The following ZPBP variants were observed in gnomAD, a reference collection of about 807,000 sequenced individuals.
ZPBP encodes zona pellucida binding protein.
Under a neutral mutation model 44.8 loss-of-function variants are expected in ZPBP, and 26 were observed. The ratio of observed to expected loss-of-function variants is 0.58; its 90% CI spans 0.43 to 0.81. The LOEUF is 0.81. Ranked by LOEUF, ZPBP falls within the 30% of genes least tolerant of loss-of-function variation. The pLI is 0.00. For missense variants in ZPBP, 409 were observed against 434.0 expected (o/e 0.94, Z 0.51); for synonymous variants, 174 against 153.2 (o/e 1.14, Z -1.00).
rs183489982 is a variant in ZPBP, at chr7:50,041,254, G to T, written c.488-9944C>A. Among the ~76,000 whole-genome samples, 652 of 152,324 alleles carry T rather than the reference G, an allele frequency of 4.3e-3. 6 individuals carry two copies. Among genetic ancestry groups the T allele is most frequent in the Non-Finnish European group, 7.7e-3 (523 of 68,024 alleles). On this transcript the variant is annotated intron_variant, in intron 4 of 7. Transcript: ENST00000046087. The stretch of plus-strand genomic sequence containing the variant: ...AGCTTCAGCAGGCTTAACCGCTCCT[G>T]CCTGCCAGCTCTAAAGACAGCAGTG...
chr7:49,938,314 T>A (rs1302331267), intron 7 of ZPBP, among the ~76,000 whole-genome samples: 2 of 152,192 alleles, frequency 1.3e-5, no homozygotes, highest in Admixed American at 6.5e-5. Context: ...AAAATATTAA[T>A]CTAATTTAAT....
chr7:49,950,946 C>T lies in ZPBP; in HGVS notation c.962-13324G>A, dbSNP rs28694212. On this transcript the variant is annotated intron_variant, in intron 7 of 7. Transcript: ENST00000046087. Reference sequence around the variant, plus strand: ...GAATAGTGCACATAAATAACTCATACATCTAAGACAACTGATTTTTCAACA... The same window carrying T: ...GAATAGTGCACATAAATAACTCATATATCTAAGACAACTGATTTTTCAACA... 4.5e-3 allele frequency among the ~76,000 whole-genome samples: 687 copies of T among 151,872 alleles called. 4 individuals carry two copies. The highest frequency in any genetic ancestry group is 0.016 in the African/African-American group (650 of 41,546).
At chr7:50,046,620 G>A (rs1239287986) in intron 4 of ZPBP, among the ~76,000 whole-genome samples, 4 of 152,142 alleles carry the variant, frequency 2.6e-5, no homozygotes, top group African/African-American at 9.7e-5. Flanking sequence ...AGTTAGAATG[G>A]CAATCCTTAA....
chr7:50,077,979 A>C (rs1802182185), intron 3 of ZPBP, among the ~76,000 whole-genome samples: 1 of 151,774 alleles, frequency 6.6e-6, no homozygotes, highest in African/African-American at 2.4e-5. Flanking sequence ...GCTAAGATTT[A>C]GAAGCAAACT....
intron 2 of ZPBP, among the ~76,000 whole-genome samples, chr7:49,852,665 G>A (rs1790228046): frequency 6.6e-6 from 1 of 151,694 alleles, no homozygotes. Context: ...TTCAGAAAGA[G>A]CCCTACCACC....
At chr7:49,990,642 T>A (rs1797530150) in intron 6 of ZPBP, among the ~76,000 whole-genome samples, 1 of 151,824 alleles carries the variant, frequency 6.6e-6, no homozygotes, top group South Asian at 2.1e-4. Flanking sequence ...TGTTTTACAA[T>A]AATTGGTTGA....
At chr7:49,930,937 G>C (rs553820970) in intron 1 of ZPBP, among the ~76,000 whole-genome samples, 1 of 152,316 alleles carries the variant, frequency 6.6e-6, no homozygotes, top group South Asian at 2.1e-4. Flanking sequence ...GGGCCCAAGT[G>C]GGAGGTAATT....
At chr7:49,976,028 A>C (rs1796499246) in intron 7 of ZPBP, among the ~76,000 whole-genome samples, 2 of 152,200 alleles carry the variant, frequency 1.3e-5, no homozygotes, top group African/African-American at 4.8e-5. Flanking sequence ...TAAAGAATAC[A>C]TCATGCATCT....
chr7:50,041,823 GT>G (rs1434878404), intron 4 of ZPBP, among the ~76,000 whole-genome samples: 1 of 152,174 alleles, frequency 6.6e-6, no homozygotes, highest in Non-Finnish European at 1.5e-5. Flanking sequence ...CAGAGAATGA[GT>G]TTGATAAACT....
At chr7:49,882,992 G>T (rs1464509120) in intron 2 of ZPBP, among the ~76,000 whole-genome samples, 1 of 151,876 alleles carries the variant, frequency 6.6e-6, no homozygotes, top group South Asian at 2.1e-4. Context: ...TTTCATCTCT[G>T]CCCTGGCCCC....
At chr7:50,055,052 T>C (rs1800866537) in intron 4 of ZPBP, among the ~76,000 whole-genome samples, 1 of 152,192 alleles carries the variant, frequency 6.6e-6, no homozygotes, top group Non-Finnish European at 1.5e-5. Context: ...TACAAAAGAA[T>C]CAATCAAAAT....
chr7:49,949,755 TAAATTATACATTTAAATAC>T (rs1289063054), intron 7 of ZPBP, among the ~76,000 whole-genome samples: 1 of 152,014 alleles, frequency 6.6e-6, no homozygotes, highest in Admixed American at 6.6e-5. Context: ...ACTGTGTATT[TAAATTATACATTTAAATAC>T]ACTTAAAATG....
chr7:50,068,413 A>G (rs1382798054), intron 3 of ZPBP, among the ~76,000 whole-genome samples: 1 of 150,204 alleles, frequency 6.7e-6, no homozygotes, highest in Admixed American at 6.6e-5. Flanking sequence ...TTCTGGGTGC[A>G]GTAGCCCTTG....
chr7:50,064,250 G>A (rs1362124125), intron 3 of ZPBP, among the ~76,000 whole-genome samples: 1 of 152,110 alleles, frequency 6.6e-6, no homozygotes, highest in Non-Finnish European at 1.5e-5. Flanking sequence ...AATAGGTGTG[G>A]GTGACAGACA....
chr7:49,885,246 C>T (rs1172083486), intron 2 of ZPBP, among the ~76,000 whole-genome samples: 27 of 152,032 alleles, frequency 1.8e-4, no homozygotes, highest in Admixed American at 1.8e-3. Context: ...TTTTGAAAAG[C>T]GAGTAATATG....
chr7:49,915,175 T>C (rs1450951375), intron 1 of ZPBP: 3 of 152,130 alleles, frequency 2.0e-5, no homozygotes, highest in Non-Finnish European at 2.9e-5. Flanking sequence ...TTCCCAGAAG[T>C]CTTGAGAAAA....
Position 49,994,686 on chromosome 7 carries a change from G to C in ZPBP, c.784-11167C>G, listed in dbSNP as rs569492500. On this transcript the variant is annotated intron_variant, in intron 6 of 7. Transcript: ENST00000046087. The stretch of plus-strand genomic sequence containing the variant: ...AGGGCCTTCCTCCGAAATTCTAAAG[G>C]CCTGTGATATGATTCACATATTAGG... 5.3e-5 allele frequency among the ~76,000 whole-genome samples: 8 copies of C among 152,226 alleles called. No individual in the cohort carries two copies. In the South Asian group the frequency reaches 1.7e-3, roughly 32 times the overall value.
intron 1 of ZPBP, chr7:49,911,989 A>G (rs1562770803): frequency 6.7e-7 from 1 of 1,495,230 alleles, no homozygotes; most frequent in Non-Finnish European, 9.0e-7. Flanking sequence ...TATATATTAT[A>G]TATTTATGCA....
intron 3 of ZPBP, among the ~76,000 whole-genome samples, chr7:50,067,326 C>T (rs1018315032): frequency 6.6e-6 from 1 of 152,056 alleles, no homozygotes; most frequent in Non-Finnish European, 1.5e-5. Flanking sequence ...TATTTTTTTA[C>T]TTCCAGCAGT....
Sources: allele counts gnomAD v4.1 joint callset (sites outside exome capture counted in the v4.1 genomes callset), GRCh38; gene constraint gnomAD v4.1.1; transcripts MANE v1.5; gene names NCBI Gene and HGNC (gene_info 2026-07-23, HGNC 2026-07-21).